ERC1: variants seen among roughly 807,000 people sequenced by gnomAD.
ERC1 encodes the protein ELKS/RAB6-interacting/CAST family member 1.
In ERC1, 56 loss-of-function variants were observed where a neutral mutation model predicts 132.0. The ratio of observed to expected loss-of-function variants is 0.42; its 90% CI spans 0.34 to 0.53. ERC1 has a LOEUF of 0.53. Among genes scored for constraint, ERC1 ranks in the 20% least tolerant of loss-of-function variants. ERC1 has a pLI of 0.03. For missense variants in ERC1, 1,202 were observed against 1,349.9 expected (o/e 0.89, Z 1.72); for synonymous variants, 478 against 476.1 (o/e 1.00, Z -0.05).
intron 15 of ERC1, among the ~76,000 whole-genome samples, chr12:1,332,306 G>C (rs1385540200): frequency 6.6e-6 from 1 of 151,928 alleles, no homozygotes; most frequent in Admixed American, 6.6e-5. Flanking sequence ...GCGTCTTCTT[G>C]GATTTCTCTT....
At chr12:1,023,397 G>A (rs1966654915) in intron 1 of ERC1, among the ~76,000 whole-genome samples, 1 of 151,768 alleles carries the variant, frequency 6.6e-6, no homozygotes, top group African/African-American at 2.4e-5. Flanking sequence ...CCACTACCAT[G>A]TTCTTTTTTT....
intron 17 of ERC1, among the ~76,000 whole-genome samples, chr12:1,437,578 T>G (rs1218520081): frequency 3.9e-5 from 6 of 152,236 alleles, no homozygotes; most frequent in African/African-American, 1.4e-4. Flanking sequence ...TAGCATTTTT[T>G]ATAATGCATA....
At chr12:1,177,741 A>G (rs982994568) in intron 8 of ERC1, among the ~76,000 whole-genome samples, 3 of 152,246 alleles carry the variant, frequency 2.0e-5, no homozygotes, top group Middle Eastern at 3.2e-3. Context: ...CAGAGACACC[A>G]AGTTAGAAAG....
intron 12 of ERC1, among the ~76,000 whole-genome samples, chr12:1,217,629 A>G (rs937977661): frequency 1.3e-4 from 20 of 151,990 alleles, no homozygotes; most frequent in African/African-American, 4.8e-4. Context: ...TCTGGCCAAC[A>G]CCTCCTGTCT....
At position 1,060,487 on chromosome 12, in the gene ERC1, C is replaced by A. The variant is rs1212087752; in HGVS notation, c.670-22677C>A. On this transcript the variant is annotated intron_variant, in intron 2 of 18. Transcript: ENST00000360905. The stretch of plus-strand genomic sequence containing the variant: ...TGATGGTTTCCAGTTGCATCCATGT[C>A]CCTACAAAGGACATGAACTCATCAT... Among the ~76,000 whole-genome samples, 5 of 152,162 alleles carry A rather than the reference C, an allele frequency of 3.3e-5. No homozygotes were observed. In the East Asian group the frequency reaches 9.7e-4, roughly 29 times the overall value.
chr12:1,019,991 G>A (rs1306962158), intron 1 of ERC1, among the ~76,000 whole-genome samples: 1 of 151,888 alleles, frequency 6.6e-6, no homozygotes, highest in Non-Finnish European at 1.5e-5. Context: ...CTAGACTCAA[G>A]CAATTCTCCT....
intron 15 of ERC1, among the ~76,000 whole-genome samples, chr12:1,308,116 C>G (rs1253301345): frequency 6.6e-6 from 1 of 152,230 alleles, no homozygotes; most frequent in South Asian, 2.1e-4. Flanking sequence ...GTCCTAACCT[C>G]TGACAGGGAT....
chr12:1,490,185 C>T lies in ERC1; in HGVS notation c.3306C>T (p.Pro1102=), dbSNP rs779769083. The T allele has an allele frequency of 3.7e-6, 6 of 1,614,028 alleles. No homozygotes were observed. Among genetic ancestry groups the T allele is most frequent in the East Asian group, 2.2e-5 (1 of 44,896 alleles). Residue 1102 remains proline (P), a synonymous_variant, in exon 19 of 19, where the codon CCC becomes CCT. Coordinates refer to ENST00000360905, the MANE Select transcript of ERC1 (RefSeq NM_178040.4). ...AILQQIADHC[P]DILEQVVNAL... Reference sequence around the variant, plus strand: ...TTCAGCAGATAGCAGACCATTGTCCCGACATCCTAGAGCAAGTGGTCAACG... The same window carrying T: ...TTCAGCAGATAGCAGACCATTGTCCTGACATCCTAGAGCAAGTGGTCAACG...
intron 13 of ERC1, among the ~76,000 whole-genome samples, chr12:1,253,302 A>C (rs1018844954): frequency 6.6e-6 from 1 of 151,836 alleles, no homozygotes; most frequent in Non-Finnish European, 1.5e-5. Flanking sequence ...TTTGAGGGAG[A>C]TGTTTGAGGG....
Position 998,822 on chromosome 12 carries a change from C to T in ERC1, c.-157+7500C>T, listed in dbSNP as rs909575550. Among the ~76,000 whole-genome samples, 8 of 142,720 alleles carry T rather than the reference C, an allele frequency of 5.6e-5. No individual in the cohort carries two copies. The South Asian group carries it at 1.8e-3, about 33-fold the overall frequency. The allele number at this position is 142,720 out of a possible 152,430, so 93.6% of individuals were successfully genotyped here. A position where few individuals can be genotyped will look rare whatever the true frequency, so the allele number is the denominator to read the frequency against. On this transcript the variant is annotated intron_variant, in intron 1 of 18. Transcript: ENST00000360905. ...GTCTTCAGAGCACTTTTCTGTTTTT[C>T]TTGCTGGTTCTCTGGGCTCTTTCTC... is the stretch of plus-strand genomic sequence containing the variant.
At chr12:1,001,835 T>A (rs1962361696) in intron 1 of ERC1, among the ~76,000 whole-genome samples, 1 of 151,586 alleles carries the variant, frequency 6.6e-6, no homozygotes, top group Non-Finnish European at 1.5e-5. Context: ...TATGCCACTA[T>A]GACTATTCTT....
intron 18 of ERC1, among the ~76,000 whole-genome samples, chr12:1,453,873 C>T (rs952824281): frequency 1.3e-5 from 2 of 152,068 alleles, no homozygotes; most frequent in Middle Eastern, 3.2e-3. Flanking sequence ...AAGAAATACA[C>T]ATTTGGTCTC....
chr12:1,280,796 C>T (rs562067812), intron 14 of ERC1, among the ~76,000 whole-genome samples: 2 of 152,320 alleles, frequency 1.3e-5, no homozygotes, highest in African/African-American at 2.4e-5. Flanking sequence ...ATGAGTTTCC[C>T]TCTTGGTGTC....
chr12:1,404,294 T>TACTCATCCATTTATTTATTC (rs1264239413), intron 16 of ERC1, among the ~76,000 whole-genome samples: 1 of 152,162 alleles, frequency 6.6e-6, no homozygotes, highest in African/African-American at 2.4e-5. Flanking sequence ...TTTATTTATT[T>TACTCATCCATTTATTTATTC]ACTCATCCAT....
At chr12:1,165,953 C>T (rs534431254) in intron 8 of ERC1, among the ~76,000 whole-genome samples, 6 of 152,326 alleles carry the variant, frequency 3.9e-5, no homozygotes, top group South Asian at 2.1e-4. Flanking sequence ...ATTACAACCC[C>T]TCATCCTCTG....
intron 2 of ERC1, among the ~76,000 whole-genome samples, chr12:1,042,125 C>A (rs1970314078): frequency 1.3e-5 from 2 of 152,048 alleles, no homozygotes; most frequent in Non-Finnish European, 2.9e-5. Context: ...GCACGCTCCG[C>A]TTCCCAGGTT....
At chr12:1,211,443 C>A (rs561673901) in intron 12 of ERC1, among the ~76,000 whole-genome samples, 1 of 152,196 alleles carries the variant, frequency 6.6e-6, no homozygotes, top group East Asian at 1.9e-4. Context: ...CCACCGTGCC[C>A]GGCCTAAGTT....
intron 1 of ERC1, among the ~76,000 whole-genome samples, chr12:1,019,777 A>G (rs949076276): frequency 3.3e-5 from 5 of 152,064 alleles, no homozygotes; most frequent in African/African-American, 4.8e-5. Flanking sequence ...CAGTGGAACT[A>G]TCGTGGCTCG....
At chr12:1,375,911 T>C (rs2087853454) in intron 16 of ERC1, among the ~76,000 whole-genome samples, 1 of 152,062 alleles carries the variant, frequency 6.6e-6, no homozygotes, top group African/African-American at 2.4e-5. Context: ...TAATTTTTTG[T>C]ATTTTTAGTA....
Sources: gnomAD v4.1 joint callset for allele counts (sites outside exome capture counted in the v4.1 genomes callset) on GRCh38, gnomAD v4.1.1 for gene constraint, MANE v1.5 for transcripts, NCBI Gene and HGNC (gene_info 2026-07-23, HGNC 2026-07-21) for gene names.